Variants in UBAC2 observed in about 807,000 individuals in gnomAD.
UBAC2 encodes UBA domain containing 2.
In UBAC2, 26 loss-of-function variants were observed where a neutral mutation model predicts 44.0. The observed-to-expected ratio is 0.59, with a 90% confidence interval of 0.43 to 0.82. UBAC2 has a LOEUF of 0.82. Among genes scored for constraint, UBAC2 ranks in the 40% least tolerant of loss-of-function variants. The pLI is 0.00. For missense variants in UBAC2, 329 were observed against 419.4 expected (o/e 0.78, Z 1.88); for synonymous variants, 155 against 154.3 (o/e 1.00, Z -0.04).
intron 8 of UBAC2, among the ~76,000 whole-genome samples, chr13:99,378,753 C>T (rs1555333698): frequency 1.3e-5 from 2 of 152,222 alleles, no homozygotes; most frequent in Non-Finnish European, 2.9e-5. Flanking sequence ...GTGTTCCATG[C>T]ATTGGCAACA....
intron 6 of UBAC2, among the ~76,000 whole-genome samples, chr13:99,327,504 T>G (rs978063376): frequency 6.7e-6 from 1 of 150,362 alleles, no homozygotes; most frequent in South Asian, 2.1e-4. Flanking sequence ...GTGTGTGTGT[T>G]TAAGTGTCCA....
intron 6 of UBAC2, among the ~76,000 whole-genome samples, chr13:99,318,454 G>A (rs61970297): frequency 1 from 151,354 of 151,356 alleles, 75,676 homozygotes; most frequent in Non-Finnish European, 1. Context: ...GGCATGAGCC[G>A]CTGCACCCGG....
At chr13:99,347,952 C>G (rs2045016852) in intron 7 of UBAC2, among the ~76,000 whole-genome samples, 1 of 151,994 alleles carries the variant, frequency 6.6e-6, no homozygotes, top group Admixed American at 6.6e-5. Context: ...CTTTTGTAAA[C>G]TCGGGACACT....
intron 1 of UBAC2, among the ~76,000 whole-genome samples, chr13:99,208,436 C>T (rs1377223696): frequency 1.3e-5 from 2 of 152,200 alleles, no homozygotes; most frequent in African/African-American, 2.4e-5. Context: ...GCCAGCCGGT[C>T]TCCTAGGTTC....
intron 6 of UBAC2, among the ~76,000 whole-genome samples, chr13:99,330,450 C>T (rs1390466376): frequency 2.8e-4 from 4 of 14,260 alleles, no homozygotes; most frequent in Non-Finnish European, 6.4e-4. Flanking sequence ...CAGAGTGAGA[C>T]GTCATCTCAA....
At chr13:99,270,743 C>T (rs79237042) in intron 4 of UBAC2, among the ~76,000 whole-genome samples, 4 of 152,032 alleles carry the variant, frequency 2.6e-5, no homozygotes, top group South Asian at 4.1e-4. Flanking sequence ...CAGTACATTG[C>T]GTACTTTTAT....
intron 2 of UBAC2, among the ~76,000 whole-genome samples, chr13:99,242,281 G>A (rs2043312273): frequency 6.6e-6 from 1 of 152,172 alleles, no homozygotes; most frequent in Non-Finnish European, 1.5e-5. Context: ...TGGTGGCCGG[G>A]CAGAGGTGCC....
intron 4 of UBAC2, among the ~76,000 whole-genome samples, chr13:99,278,927 A>G (rs1023049717): frequency 3.3e-5 from 5 of 152,186 alleles, no homozygotes; most frequent in Non-Finnish European, 7.4e-5. Flanking sequence ...GTTCCTCATG[A>G]TCATCAGTTT....
intron 1 of UBAC2, among the ~76,000 whole-genome samples, chr13:99,229,428 C>T (rs9517653): frequency 0.46 from 69,236 of 152,084 alleles, 18,209 homozygotes; most frequent in Non-Finnish European, 0.61. Flanking sequence ...GTGAGCTGTG[C>T]GGTTTGATTG....
chr13:99,243,477 C>T (rs1345732727), intron 2 of UBAC2, among the ~76,000 whole-genome samples: 3 of 152,002 alleles, frequency 2.0e-5, no homozygotes, highest in African/African-American at 7.2e-5. Flanking sequence ...TATTCAATAA[C>T]ATAAAAATGA....
intron 8 of UBAC2, among the ~76,000 whole-genome samples, chr13:99,373,748 A>G (rs765786821): frequency 5.3e-5 from 8 of 152,108 alleles, no homozygotes; most frequent in Non-Finnish European, 1.0e-4. Context: ...ACTTCTTGGG[A>G]TTCTAGAAGC....
chr13:99,316,269 G>A (rs1283457067), intron 5 of UBAC2, among the ~76,000 whole-genome samples: 1 of 151,966 alleles, frequency 6.6e-6, no homozygotes, highest in African/African-American at 2.4e-5. Flanking sequence ...CTCCCCCTGT[G>A]CCCACCTTGA....
chr13:99,223,170 A>G (rs1420106947), intron 1 of UBAC2, among the ~76,000 whole-genome samples: 4 of 152,176 alleles, frequency 2.6e-5, no homozygotes, highest in Non-Finnish European at 5.9e-5. Flanking sequence ...TTTAGTTGTG[A>G]TAAGACATTT....
rs576047315 is a variant in UBAC2 at position 99,281,005 on chromosome 13, G to A, written c.390-33092G>A. Among the ~76,000 whole-genome samples, 31 of 152,232 alleles carry A rather than the reference G, an allele frequency of 2.0e-4. 1 individual carries two copies. Among genetic ancestry groups the A allele is most frequent in the Admixed American group, 2.0e-3 (31 of 15,294 alleles). ...GTTTGAGACCAGCGTGGCCAACATA[G>A]TGAAACTCCATCTCTGCTAAAAATA... On this transcript the variant is annotated intron_variant, in intron 4 of 8. Transcript: ENST00000403766.
rs1436063782 is a variant in UBAC2 at position 99,385,526 on chromosome 13, T to G, written c.*191T>G. ...GTGTGGAGATAAGTTTGCCATTACATTAGCATGTATTTTCTATCTATATTT... is the reference window on the plus strand; with the variant it reads ...GTGTGGAGATAAGTTTGCCATTACAGTAGCATGTATTTTCTATCTATATTT... On this transcript the variant is annotated 3_prime_UTR_variant, in exon 9 of 9. Coordinates refer to ENST00000403766, the MANE Select transcript of UBAC2 (RefSeq NM_001144072.2). 3.7e-6 allele frequency: 2 copies of G among 545,406 alleles called. No individual in the cohort carries two copies. The highest frequency in any genetic ancestry group is 6.6e-6 in the Non-Finnish European group (2 of 304,110). The allele number at this position is 545,406 out of a possible 1,614,324, so 33.8% of individuals were successfully genotyped here. A position where few individuals can be genotyped will look rare whatever the true frequency, so the allele number is the denominator to read the frequency against.
chr13:99,338,045 T>TC lies in UBAC2; in HGVS notation c.562-2275_562-2274insC, dbSNP rs57203383. Among the ~76,000 whole-genome samples, 8 of 76,694 alleles carry TC rather than the reference T, an allele frequency of 1.0e-4. 1 individual carries two copies. Among genetic ancestry groups the TC allele is most frequent in the South Asian group, 4.9e-4 (1 of 2,048 alleles). 50.3% of individuals were successfully genotyped at this position (76,694 alleles called of 152,430 possible). A position where few individuals can be genotyped will look rare whatever the true frequency, so the allele number is the denominator to read the frequency against. On this transcript the variant is annotated intron_variant, in intron 6 of 8. Transcript: ENST00000403766. ...AAATCTCCTAACTTTTTTTCTTTTT[T>TC]TCTTTTTTTTTTTTTTTTTTTTTTT...
chr13:99,344,154 C>G (rs1231195594), intron 7 of UBAC2, among the ~76,000 whole-genome samples: 1 of 152,178 alleles, frequency 6.6e-6, no homozygotes, highest in Admixed American at 6.5e-5. Flanking sequence ...CGGTGTACGC[C>G]TAGAGAGATG....
At position 99,265,353 on chromosome 13, in the gene UBAC2, C is replaced by T. The variant is rs373842419; in HGVS notation, c.389+20729C>T. Among the ~76,000 whole-genome samples the T allele has an allele frequency of 1.4e-3, 209 of 152,308 alleles. 2 individuals are homozygous for T. The highest frequency in any genetic ancestry group is 4.9e-3 in the African/African-American group (204 of 41,560). On this transcript the variant is annotated intron_variant, in intron 4 of 8. Coordinates refer to ENST00000403766, the MANE Select transcript of UBAC2 (RefSeq NM_001144072.2). The stretch of plus-strand genomic sequence containing the variant: ...AGGGAAGGAAGGAGGCAGGCAGGAC[C>T]ACCCTGAGACCCACAGGCCAGCTGC...
Position 99,318,002 on chromosome 13 carries a change from C to CTTTTTTTTTTTTTTTT in UBAC2, c.514-10_514-9insTTTTTTTTTTTTTTTT, listed in dbSNP as rs761864458. The CTTTTTTTTTTTTTTTT allele has an allele frequency of 1.4e-6, 2 of 1,412,126 alleles. No homozygotes were observed. The highest frequency in any genetic ancestry group is 1.9e-6 in the Non-Finnish European group (2 of 1,036,286). 87.5% of individuals were successfully genotyped at this position (1,412,126 alleles called of 1,614,324 possible). On this transcript the variant is annotated intron_variant, in intron 5 of 8. Transcript: ENST00000403766. ...GCAGTTGAATTTTATTTTTAGTTGCCTTTTTTTTTTCTTTTATAGCTTTTC... is the reference window on the plus strand; with the variant it reads ...GCAGTTGAATTTTATTTTTAGTTGCCTTTTTTTTTTTTTTTTTTTTTTTTTTCTTTTATAGCTTTTC...
Sources: allele counts gnomAD v4.1 joint callset (sites outside exome capture counted in the v4.1 genomes callset), GRCh38; gene constraint gnomAD v4.1.1; transcripts MANE v1.5; gene names NCBI Gene and HGNC (gene_info 2026-07-23, HGNC 2026-07-21).